RAI14: variants seen among roughly 807,000 people sequenced by gnomAD.
RAI14 encodes retinoic acid induced 14.
A neutral mutation model predicts 115.4 loss-of-function variants in RAI14; 45 were observed. That is an observed-to-expected ratio of 0.39 (90% CI 0.31 to 0.50). The LOEUF (loss-of-function observed/expected upper bound fraction) is 0.50, where lower values mean the gene tolerates loss of function less well. Ranked by LOEUF, RAI14 falls within the 20% of genes least tolerant of loss-of-function variation. The pLI is 0.85. For synonymous variants in RAI14, 371 were observed against 415.4 expected, an observed-to-expected ratio of 0.89 and a Z score of 1.30; for missense variants, 939 against 1,131.2, an observed-to-expected ratio of 0.83 and a Z score of 2.44.
chr5:34,726,273 A>T (rs1022647660), intron 2 of RAI14, among the ~76,000 whole-genome samples: 27 of 152,188 alleles, frequency 1.8e-4, no homozygotes, highest in Non-Finnish European at 1.5e-5. Context: ...TATAAAGAAA[A>T]GAGGTTTAAT....
chr5:34,728,766 A>C (rs1038143726), intron 2 of RAI14: 2 of 152,158 alleles, frequency 1.3e-5, no homozygotes, highest in African/African-American at 4.8e-5. Flanking sequence ...AAAAAAAAAA[A>C]AATGTTTAAA....
Position 34,799,832 on chromosome 5 carries a change from C to T in RAI14, c.256+3805C>T, listed in dbSNP as rs1301858962. ...CCTCCTGAGTAGCTAGGACTACAGG[C>T]GCCCGCCACCACGCCTGGCTAATTT... On this transcript the variant is annotated intron_variant, in intron 4 of 17. Coordinates refer to ENST00000265109, the MANE Select transcript of RAI14 (RefSeq NM_015577.3). Among the ~76,000 whole-genome samples, 7 of 152,004 alleles carry T rather than the reference C, an allele frequency of 4.6e-5. No homozygotes were observed. The East Asian group carries it at 5.8e-4, about 13-fold the overall frequency.
chr5:34,659,681 T>C (rs1382830099), intron 1 of RAI14, among the ~76,000 whole-genome samples: 1 of 152,222 alleles, frequency 6.6e-6, no homozygotes, highest in Non-Finnish European at 1.5e-5. Context: ...TGTGCACACA[T>C]TTTTCTGTTA....
At chr5:34,819,238 T>TA (rs1027686060) in intron 13 of RAI14, among the ~76,000 whole-genome samples, 47 of 152,202 alleles carry the variant, frequency 3.1e-4, no homozygotes, top group Non-Finnish European at 2.6e-4. Flanking sequence ...ATATTGCTAC[T>TA]AAAAATTATG....
At chr5:34,812,814 C>T (rs1424787563) in intron 10 of RAI14, among the ~76,000 whole-genome samples, 1 of 152,192 alleles carries the variant, frequency 6.6e-6, no homozygotes, top group Non-Finnish European at 1.5e-5. Context: ...GTGGCTTAAA[C>T]TCTGTGACTG....
chr5:34,686,273 A>G (rs1282386666), intron 1 of RAI14: 1 of 150,310 alleles, frequency 6.7e-6, no homozygotes, highest in Non-Finnish European at 1.5e-5. Flanking sequence ...TGATATAGAA[A>G]TCTAAGAAGG....
intron 1 of RAI14, among the ~76,000 whole-genome samples, chr5:34,679,832 A>G (rs1744260962): frequency 1.3e-5 from 2 of 152,082 alleles, no homozygotes; most frequent in Non-Finnish European, 2.9e-5. Flanking sequence ...CCCAATTACT[A>G]TGTTGCGTTT....
intron 3 of RAI14, among the ~76,000 whole-genome samples, chr5:34,792,343 CCT>C (rs1011078727): frequency 8.7e-5 from 13 of 149,992 alleles, no homozygotes; most frequent in East Asian, 5.9e-4. Flanking sequence ...ACACCATTCT[CCT>C]CTCTCAGCCT....
chr5:34,721,183 C>T (rs1020349286), intron 2 of RAI14, among the ~76,000 whole-genome samples: 1 of 151,480 alleles, frequency 6.6e-6, no homozygotes, highest in South Asian at 2.1e-4. Context: ...TTCGGCCTCC[C>T]GTTGTTGTCC....
intron 2 of RAI14, among the ~76,000 whole-genome samples, chr5:34,692,026 G>A (rs999939259): frequency 2.0e-5 from 3 of 152,162 alleles, no homozygotes; most frequent in Non-Finnish European, 4.4e-5. Context: ...ACTTTGGGAG[G>A]CCAAGGTGGG....
At chr5:34,806,564 A>C (rs1754918912) in intron 5 of RAI14, among the ~76,000 whole-genome samples, 1 of 152,050 alleles carries the variant, frequency 6.6e-6, no homozygotes, top group East Asian at 1.9e-4. Context: ...TGGAGAAAAA[A>C]GTTGACAGGG....
At chr5:34,704,329 C>G (rs918372904) in intron 2 of RAI14, among the ~76,000 whole-genome samples, 1 of 152,250 alleles carries the variant, frequency 6.6e-6, no homozygotes, top group Admixed American at 6.5e-5. Context: ...TGAACACTTC[C>G]GTCCGGGTAC....
At position 34,684,617 on chromosome 5, in the gene RAI14, G is replaced by A. The variant is rs1744654461; in HGVS notation, c.-48-2255G>A. 3 of 152,282 alleles carry A rather than the reference G, an allele frequency of 2.0e-5. No individual in the cohort carries two copies. The South Asian group carries it at 6.2e-4, about 32-fold the overall frequency. The allele number at this position is 152,282 out of a possible 1,614,324, so 9.4% of individuals were successfully genotyped here. On this transcript the variant is annotated intron_variant, in intron 1 of 17. Coordinates refer to ENST00000265109, the MANE Select transcript of RAI14 (RefSeq NM_015577.3). ...TCATCAAAGTGCTTCATGATGACTG[G>A]ATTTTCACACCATTTATCCAAGGGC...
Position 34,829,759 on chromosome 5 carries a change from A to T in RAI14, c.2827A>T (p.Ile943Leu). Residue 943 changes from isoleucine (I) to leucine (L), a missense_variant, in exon 17 of 18, where the codon ATA (isoleucine) becomes TTA (leucine). Ile to Leu is a conservative substitution (Grantham distance 5). Transcript: ENST00000265109. Reference protein sequence around the residue: ...AECKKQHQEVISVYRMHLLYA... With the variant: ...AECKKQHQEVLSVYRMHLLYA... ...ATGCAAGAAACAACACCAGGAGGTC[A>T]TATCAGTTTACAGAATGCATCTTCT... 6.2e-7 allele frequency: 1 copy of T among 1,612,320 alleles called. No individual in the cohort carries two copies. Among genetic ancestry groups the T allele is most frequent in the South Asian group, 1.1e-5 (1 of 90,754 alleles).
rs547538694 is a variant in RAI14, at chr5:34,773,899, A to G, written c.167+16301A>G. Among the ~76,000 whole-genome samples, 37 of 152,348 alleles carry G rather than the reference A, an allele frequency of 2.4e-4. No homozygotes were observed. In the East Asian group the frequency reaches 7.1e-3, roughly 29 times the overall value. On this transcript the variant is annotated intron_variant, in intron 3 of 17. Coordinates refer to ENST00000265109, the MANE Select transcript of RAI14 (RefSeq NM_015577.3). ...CCAGCACTTCCACAACTGGGTGTTT[A>G]TCCAAAGGAACAGAAATTGTGAAGT...
At chr5:34,784,249 A>AG (rs1227180325) in intron 3 of RAI14, among the ~76,000 whole-genome samples, 1 of 152,250 alleles carries the variant, frequency 6.6e-6, no homozygotes, top group Non-Finnish European at 1.5e-5. Context: ...GCTGAAGTAT[A>AG]GGGTGTCTGG....
chr5:34,692,465 C>T (rs762591607), intron 2 of RAI14, among the ~76,000 whole-genome samples: 1 of 148,524 alleles, frequency 6.7e-6, no homozygotes, highest in Non-Finnish European at 1.5e-5. Flanking sequence ...ACCTGGGAAG[C>T]GGAGCTTGCA....
At chr5:34,744,498 C>G (rs1207622254) in intron 2 of RAI14, among the ~76,000 whole-genome samples, 1 of 152,122 alleles carries the variant, frequency 6.6e-6, no homozygotes, top group African/African-American at 2.4e-5. Flanking sequence ...CCCCAGTGAC[C>G]ACTGTGCTGT....
intron 3 of RAI14, among the ~76,000 whole-genome samples, chr5:34,766,880 T>A (rs370351808): frequency 7.9e-5 from 12 of 152,274 alleles, no homozygotes; most frequent in African/African-American, 2.9e-4. Context: ...GGGAGATAAT[T>A]TGAATCATGG....
Sources: allele counts gnomAD v4.1 joint callset (sites outside exome capture counted in the v4.1 genomes callset), GRCh38; gene constraint gnomAD v4.1.1; transcripts MANE v1.5; gene names NCBI Gene and HGNC (gene_info 2026-07-23, HGNC 2026-07-21).